Variants in CNTN5 observed in about 807,000 individuals in gnomAD.
The protein encoded by CNTN5 is contactin-5.
CNTN5 carries 77 observed loss-of-function variants against 129.1 expected under a neutral mutation model. The observed-to-expected ratio is 0.60, with a 90% confidence interval of 0.50 to 0.72. The LOEUF (loss-of-function observed/expected upper bound fraction) is 0.72. Among genes scored for constraint, CNTN5 ranks in the 30% least tolerant of loss-of-function variants. The pLI is 0.00. For missense variants in CNTN5, 1,478 were observed against 1,328.8 expected (o/e 1.11, Z -1.75); for synonymous variants, 509 against 465.6 (o/e 1.09, Z -1.20).
intron 7 of CNTN5, among the ~76,000 whole-genome samples, chr11:99,956,491 A>G (rs1273726780): frequency 6.6e-6 from 1 of 152,118 alleles, no homozygotes; most frequent in Non-Finnish European, 1.5e-5. Flanking sequence ...ATCTTTGAGA[A>G]TGGAAAATTG....
chr11:99,642,062 A>T (rs1438235792), intron 3 of CNTN5, among the ~76,000 whole-genome samples: 2 of 151,996 alleles, frequency 1.3e-5, no homozygotes, highest in Non-Finnish European at 2.9e-5. Flanking sequence ...CTTTTCTGGG[A>T]TTTTTCTAAG....
intron 3 of CNTN5, among the ~76,000 whole-genome samples, chr11:99,773,161 G>A (rs1303857274): frequency 6.6e-6 from 1 of 152,012 alleles, no homozygotes; most frequent in African/African-American, 2.4e-5. Context: ...CACTACATAA[G>A]TCAACCTGAA....
chr11:99,299,842 T>C (rs1218666215), intron 1 of CNTN5, among the ~76,000 whole-genome samples: 1 of 152,152 alleles, frequency 6.6e-6, no homozygotes, highest in Non-Finnish European at 1.5e-5. Context: ...TTTGAAATAG[T>C]GCTGTGAGAA....
At chr11:99,237,622 A>G (rs2135747066) in intron 1 of CNTN5, among the ~76,000 whole-genome samples, 1 of 152,180 alleles carries the variant, frequency 6.6e-6, no homozygotes, top group Admixed American at 6.5e-5. Flanking sequence ...CGGAGGTTGC[A>G]GTGAGCTGAG....
At chr11:99,689,530 GAAAAAAAAA>G (rs368912453) in intron 3 of CNTN5, among the ~76,000 whole-genome samples, 37 of 92,902 alleles carry the variant, frequency 4.0e-4, no homozygotes, top group Non-Finnish European at 5.9e-4. Flanking sequence ...CCTCAAAAAA[GAAAAAAAAA>G]AAAAAAAAAA....
chr11:99,886,538 TAGAG>T (rs891515515), intron 6 of CNTN5, among the ~76,000 whole-genome samples: 6 of 152,152 alleles, frequency 3.9e-5, no homozygotes, highest in Non-Finnish European at 8.8e-5. Context: ...TATCAAGTAT[TAGAG>T]AGGTGTGGGT....
intron 8 of CNTN5, among the ~76,000 whole-genome samples, chr11:99,995,348 C>A (rs1939375972): frequency 6.7e-6 from 1 of 150,322 alleles, no homozygotes; most frequent in South Asian, 2.1e-4. Context: ...CAATAAATAC[C>A]ACAAAGAGCA....
intron 3 of CNTN5, among the ~76,000 whole-genome samples, chr11:99,744,600 G>A (rs532217806): frequency 7.5e-6 from 1 of 133,774 alleles, no homozygotes; most frequent in African/African-American, 2.8e-5. Flanking sequence ...GCTGCCTGCA[G>A]TTCCAGCTAC....
At chr11:100,210,173 A>AT (rs1565344569) in intron 15 of CNTN5, among the ~76,000 whole-genome samples, 1 of 110,572 alleles carries the variant, frequency 9.0e-6, no homozygotes, top group Non-Finnish European at 1.8e-5. Context: ...CTGCCTCTAT[A>AT]CAAAAAAAAA....
chr11:99,895,075 G>A (rs1035131864), intron 6 of CNTN5, among the ~76,000 whole-genome samples: 10 of 152,286 alleles, frequency 6.6e-5, no homozygotes, highest in African/African-American at 2.4e-4. Context: ...TAACCCCAGT[G>A]GATAAAGTGC....
At chr11:99,966,111 A>T (rs1951086774) in intron 8 of CNTN5, among the ~76,000 whole-genome samples, 1 of 152,156 alleles carries the variant, frequency 6.6e-6, no homozygotes, top group Admixed American at 6.5e-5. Flanking sequence ...ATCTGCTGTG[A>T]CCATAGAGCT....
intron 1 of CNTN5, among the ~76,000 whole-genome samples, chr11:99,294,775 G>A (rs566356221): frequency 3.9e-5 from 6 of 152,184 alleles, no homozygotes; most frequent in Non-Finnish European, 7.3e-5. Context: ...CACTGTCGAC[G>A]ACGTTCAGTA....
intron 16 of CNTN5, among the ~76,000 whole-genome samples, chr11:100,229,149 T>C (rs1949440158): frequency 6.6e-6 from 1 of 152,178 alleles, no homozygotes; most frequent in African/African-American, 2.4e-5. Context: ...TTTTTTCATC[T>C]ATAAAATTAG....
chr11:99,432,495 C>CTTTTCTTTTAT (rs539746806), intron 2 of CNTN5, among the ~76,000 whole-genome samples: 3 of 78,042 alleles, frequency 3.8e-5, no homozygotes, highest in Non-Finnish European at 8.1e-5. Flanking sequence ...CTTTTCTTTT[C>CTTTTCTTTTAT]TTTCTTTTCT....
intron 1 of CNTN5, among the ~76,000 whole-genome samples, chr11:99,158,785 T>A (rs1025505129): frequency 6.6e-6 from 1 of 152,114 alleles, no homozygotes; most frequent in Non-Finnish European, 1.5e-5. Flanking sequence ...TGTAATTCTG[T>A]TTTCTATTAA....
intron 3 of CNTN5, among the ~76,000 whole-genome samples, chr11:99,813,420 C>G (rs1260336147): frequency 1.3e-5 from 2 of 152,078 alleles, no homozygotes; most frequent in Admixed American, 6.6e-5. Flanking sequence ...TTAGAAGACA[C>G]CTTTCCATGA....
chr11:99,573,779 G>C (rs1187404205), intron 3 of CNTN5, among the ~76,000 whole-genome samples: 1 of 151,542 alleles, frequency 6.6e-6, no homozygotes, highest in Non-Finnish European at 1.5e-5. Context: ...CTTTTCATTG[G>C]CCATGCATGC....
At chr11:100,143,314 G>A (rs1393273193) in intron 13 of CNTN5, among the ~76,000 whole-genome samples, 1 of 152,066 alleles carries the variant, frequency 6.6e-6, no homozygotes, top group Non-Finnish European at 1.5e-5. Flanking sequence ...AACACATTTG[G>A]TGAGTATTCT....
chr11:100,236,810 C>T (rs1949623818), intron 16 of CNTN5, among the ~76,000 whole-genome samples: 1 of 152,252 alleles, frequency 6.6e-6, no homozygotes, highest in Admixed American at 6.5e-5. Context: ...CACTGATCTC[C>T]TACAATTGTA....
Sources: allele counts gnomAD v4.1 joint callset (sites outside exome capture counted in the v4.1 genomes callset), GRCh38; gene constraint gnomAD v4.1.1; transcripts MANE v1.5; gene names NCBI Gene and HGNC (gene_info 2026-07-23, HGNC 2026-07-21).